Variants in ZHX3 observed in about 807,000 individuals in gnomAD.
ZHX3 encodes the protein zinc fingers and homeoboxes 3, also known as zinc fingers and homeoboxes protein 3.
Under a neutral mutation model 64.5 loss-of-function variants are expected in ZHX3, and 20 were observed. The ratio of observed to expected loss-of-function variants is 0.31; its 90% CI spans 0.22 to 0.45. ZHX3 has a LOEUF of 0.45. Among genes scored for constraint, ZHX3 ranks in the 20% least tolerant of loss-of-function variants. The pLI, the probability that ZHX3 is intolerant of heterozygous loss-of-function variation, is 1.00. For synonymous variants in ZHX3, 423 were observed against 461.6 expected (o/e 0.92, Z 1.07); for missense variants, 1,041 against 1,195.8 (o/e 0.87, Z 1.91).
rs2036281692 is a variant in ZHX3, at chr20:41,182,400, AGTGTGC to A, written c.*2785_*2790del. 6.6e-6 allele frequency: 1 copy of A among 152,210 alleles called. No individual in the cohort carries two copies. The allele number at this position is 152,210 out of a possible 1,614,324, so 9.4% of individuals were successfully genotyped here. On this transcript the variant is annotated 3_prime_UTR_variant, in exon 4 of 4. Coordinates refer to ENST00000683867, the MANE Select transcript of ZHX3 (RefSeq NM_001384317.1). The surrounding 1 kb of genome is among the most constrained non-coding windows in gnomAD (Gnocchi z 6.1). ...CAACAACACAATTTAACCCTTAGGC[AGTGTGC>A]AAAACCACAGTGAGCTGTCCTGTGA...
chr20:41,288,555 G>T lies in ZHX3; in HGVS notation c.-244-19472C>A, dbSNP rs372826322. ...AGGCAATGCCAAAATTTACTTGAAG[G>T]GCAACACACTGGTGGTGCACAGGCA... On this transcript the variant is annotated intron_variant, in intron 1 of 3. Transcript: ENST00000683867. Among the ~76,000 whole-genome samples the T allele has an allele frequency of 5.1e-4, 77 of 152,130 alleles. 1 individual carries two copies. The highest frequency in any genetic ancestry group is 4.4e-3 in the East Asian group (23 of 5,186).
At chr20:41,215,601 C>T (rs2039463163) in intron 2 of ZHX3, among the ~76,000 whole-genome samples, 1 of 151,860 alleles carries the variant, frequency 6.6e-6, no homozygotes, top group Non-Finnish European at 1.5e-5. Flanking sequence ...GATAGTCAGC[C>T]TGCAGCCCTC....
At chr20:41,192,878 G>A (rs1179732848) in intron 3 of ZHX3, among the ~76,000 whole-genome samples, 1 of 152,214 alleles carries the variant, frequency 6.6e-6, no homozygotes, top group East Asian at 1.9e-4. Flanking sequence ...CAAGGGCTGA[G>A]GAGCTCTCCC....
chr20:41,225,819 T>C (rs571631079), intron 2 of ZHX3, among the ~76,000 whole-genome samples: 13 of 152,294 alleles, frequency 8.5e-5, no homozygotes, highest in Non-Finnish European at 1.6e-4. Context: ...TACAGTAAGG[T>C]AGTGTTAAGC....
intron 2 of ZHX3, among the ~76,000 whole-genome samples, chr20:41,209,854 T>A (rs543147422): frequency 6.6e-6 from 1 of 152,236 alleles, no homozygotes; most frequent in East Asian, 1.9e-4. Context: ...TGGGATCTAA[T>A]TAAACTAAAG....
chr20:41,197,789 T>G (rs1051006487), intron 3 of ZHX3, among the ~76,000 whole-genome samples: 8 of 152,216 alleles, frequency 5.3e-5, no homozygotes. Flanking sequence ...CACAATGTAC[T>G]GTTTTGATTC....
At chr20:41,264,639 A>T (rs562835151) in intron 2 of ZHX3, among the ~76,000 whole-genome samples, 102 of 152,076 alleles carry the variant, frequency 6.7e-4, no homozygotes, top group Non-Finnish European at 1.3e-3. Flanking sequence ...CAAATGATTC[A>T]TGTTATAGAA....
At chr20:41,247,441 T>C (rs2041765671) in intron 2 of ZHX3, among the ~76,000 whole-genome samples, 1 of 152,140 alleles carries the variant, frequency 6.6e-6, no homozygotes, top group Non-Finnish European at 1.5e-5. Flanking sequence ...CAAACCTCAG[T>C]TCTCTTTTGC....
In ZHX3 at chr20:41,306,769, T is replaced by C. The variant is rs74315801; in HGVS notation, c.-245+10740A>G. On this transcript the variant is annotated intron_variant, in intron 1 of 3. Transcript: ENST00000683867. Reference sequence around the variant, plus strand: ...AATGCTATCTTCTGTGAACTATATATGTTGATTCCCAAGGGGATCAAAATT... The same window carrying C: ...AATGCTATCTTCTGTGAACTATATACGTTGATTCCCAAGGGGATCAAAATT... 2.4e-3 allele frequency among the ~76,000 whole-genome samples: 362 copies of C among 152,370 alleles called. 1 individual carries two copies. The highest frequency in any genetic ancestry group is 8.3e-3 in the African/African-American group (344 of 41,588).
chr20:41,264,997 T>C (rs184101542), intron 2 of ZHX3, among the ~76,000 whole-genome samples: 25 of 152,256 alleles, frequency 1.6e-4, no homozygotes, highest in African/African-American at 6.0e-4. Context: ...AAACAAACTA[T>C]GCAGTCATTA....
intron 2 of ZHX3, among the ~76,000 whole-genome samples, chr20:41,249,249 AT>A (rs1399657849): frequency 3.9e-5 from 6 of 152,110 alleles, no homozygotes; most frequent in Non-Finnish European, 7.4e-5. Flanking sequence ...AAAAAAAAAA[AT>A]CTCATAGTTA....
Position 41,203,246 on chromosome 20 carries a change from C to T in ZHX3, c.1671G>A (p.Ala557=), listed in dbSNP as rs779154627. Residue 557 remains alanine, a synonymous_variant, in exon 3 of 4, where the codon GCG becomes GCA. Coordinates refer to ENST00000683867, the MANE Select transcript of ZHX3 (RefSeq NM_001384317.1). This position sits in a 1 kb window ranked among gnomAD's most constrained non-coding sequence, Gnocchi z 7.1. ...YHCRNLKGSR[A]MIPGDHSSII... is the part of the protein sequence containing the mutation. ...TGGAACTGTGATCTCCAGGTATCAT[C>T]GCTCTGGAGCCCTTCAAGTTCCGGC... is the stretch of plus-strand genomic sequence containing the variant. The T allele has an allele frequency of 2.8e-5, 46 of 1,614,042 alleles. No individual in the cohort carries two copies. The highest frequency in any genetic ancestry group is 2.5e-4 in the South Asian group (23 of 91,084).
chr20:41,197,832 CTATT>C (rs771053722), intron 3 of ZHX3, among the ~76,000 whole-genome samples: 44 of 152,146 alleles, frequency 2.9e-4, no homozygotes, highest in Admixed American at 9.8e-4. Context: ...GTTAGTTTTA[CTATT>C]TAGACAGATT....
intron 2 of ZHX3, among the ~76,000 whole-genome samples, chr20:41,216,407 T>C (rs2039536588): frequency 1.3e-5 from 2 of 152,256 alleles, no homozygotes; most frequent in South Asian, 4.1e-4. Context: ...ATATATGATT[T>C]CAGGCATGTT....
chr20:41,185,430 G>C lies in ZHX3; in HGVS notation c.2861-229C>G. 1.6e-6 allele frequency: 1 copy of C among 607,792 alleles called. No homozygotes were observed. Among genetic ancestry groups the C allele is most frequent in the Non-Finnish European group, 2.9e-6 (1 of 346,286 alleles). 37.6% of individuals were successfully genotyped at this position (607,792 alleles called of 1,614,324 possible). A position where few individuals can be genotyped will look rare whatever the true frequency, so the allele number is the denominator to read the frequency against. On this transcript the variant is annotated intron_variant, in intron 3 of 3. Coordinates refer to ENST00000683867, the MANE Select transcript of ZHX3 (RefSeq NM_001384317.1). This position sits in a 1 kb window ranked among gnomAD's most constrained non-coding sequence, Gnocchi z 5.0. ...TGTAAGGCCATCAGACTCTCTGAGA[G>C]ACCCTGCTAAACCCTAGGCCTAGCA...
At chr20:41,289,407 T>C (rs567549746) in intron 1 of ZHX3, among the ~76,000 whole-genome samples, 172 of 151,902 alleles carry the variant, frequency 1.1e-3, no homozygotes, top group Non-Finnish European at 2.2e-3. Context: ...TTCTAGTTCA[T>C]GAATGAGTGG....
chr20:41,239,809 G>A (rs1325333623), intron 2 of ZHX3: 1 of 152,194 alleles, frequency 6.6e-6, no homozygotes. Flanking sequence ...AGTATCAAGG[G>A]AAAATATGGA....
intron 2 of ZHX3, among the ~76,000 whole-genome samples, chr20:41,252,577 T>C (rs1600512614): frequency 1.3e-5 from 2 of 152,324 alleles, no homozygotes; most frequent in Non-Finnish European, 2.9e-5. Context: ...GCCCATCTTA[T>C]TTTTCAGTTT....
In ZHX3 at chr20:41,226,315, C is replaced by T. The variant is rs1456489371; in HGVS notation, c.-150-21249G>A. Among the ~76,000 whole-genome samples the T allele has an allele frequency of 6.6e-6, 1 of 151,960 alleles. No homozygotes were observed. The highest frequency in any genetic ancestry group is 1.9e-4 in the East Asian group (1 of 5,182). On this transcript the variant is annotated intron_variant, in intron 2 of 3. Transcript: ENST00000683867. This position sits in a 1 kb window ranked among gnomAD's most constrained non-coding sequence, Gnocchi z 4.4. ...AGGTTGCAGTAAACTGAGATCGCGC[C>T]ACTGAACTCCAGCCTGGGTGACAGG...
Sources: gnomAD v4.1 joint callset for allele counts (sites outside exome capture counted in the v4.1 genomes callset) on GRCh38, gnomAD v4.1.1 for gene constraint, Gnocchi (gnomAD v3.1) non-coding constraint, MANE v1.5 for transcripts, NCBI Gene and HGNC (gene_info 2026-07-23, HGNC 2026-07-21) for gene names.